Variants in KRIT1 observed in about 807,000 individuals in gnomAD.
KRIT1 encodes the protein krev interaction trapped protein 1.
In KRIT1, 45 loss-of-function variants were observed where a neutral mutation model predicts 95.8. That is an observed-to-expected ratio of 0.47 (90% CI 0.37 to 0.60). The LOEUF (loss-of-function observed/expected upper bound fraction) is 0.60, where lower values mean the gene tolerates loss of function less well. Ranked by LOEUF, KRIT1 falls within the 20% of genes least tolerant of loss-of-function variation. KRIT1 has a pLI of 0.00. For missense variants in KRIT1, 788 were observed against 877.5 expected (o/e 0.90, Z 1.29); for synonymous variants, 282 against 278.8 (o/e 1.01, Z -0.11).
intron 17 of KRIT1, among the ~76,000 whole-genome samples, chr7:92,212,272 T>C (rs956307611): frequency 3.3e-5 from 5 of 152,026 alleles, no homozygotes; most frequent in African/African-American, 1.2e-4. Flanking sequence ...TTGTGTCACA[T>C]ATAATATTTT....
At chr7:92,238,004 A>G (rs1268748590) in intron 5 of KRIT1, among the ~76,000 whole-genome samples, 1 of 152,146 alleles carries the variant, frequency 6.6e-6, no homozygotes, top group Non-Finnish European at 1.5e-5. Context: ...CATAGCTAGG[A>G]AAACTGTTCT....
chr7:92,240,753 G>A (rs144522667), intron 5 of KRIT1: 2 of 522,424 alleles, frequency 3.8e-6, no homozygotes, highest in East Asian at 6.8e-5. Context: ...ACTTACCTAG[G>A]GAACTACACT....
At chr7:92,240,772 A>T (rs995871767) in intron 5 of KRIT1, 3 of 564,634 alleles carry the variant, frequency 5.3e-6, no homozygotes, top group Non-Finnish European at 9.4e-6. Context: ...CTTCACATCA[A>T]CATTGTGAAT....
intron 14 of KRIT1, among the ~76,000 whole-genome samples, chr7:92,219,828 GT>G (rs1294644006): frequency 6.6e-6 from 1 of 152,152 alleles, no homozygotes; most frequent in Non-Finnish European, 1.5e-5. Flanking sequence ...ATAGTTTTCA[GT>G]GTACAAGTCT....
chr7:92,208,304 GA>G (rs776926939), intron 17 of KRIT1, among the ~76,000 whole-genome samples: 1 of 149,358 alleles, frequency 6.7e-6, no homozygotes, highest in East Asian at 2.0e-4. Context: ...AGAAAAGCAA[GA>G]AAAAACCAAC....
intron 10 of KRIT1, among the ~76,000 whole-genome samples, chr7:92,229,028 T>C (rs1796759369): frequency 1.3e-5 from 2 of 152,220 alleles, no homozygotes; most frequent in African/African-American, 2.4e-5. Flanking sequence ...CTATTGTGAA[T>C]AGTGCTGGAA....
In KRIT1 at chr7:92,222,848, G is replaced by C; in HGVS notation, c.1385C>G (p.Thr462Ser). 2 of 1,606,960 alleles carry C rather than the reference G, an allele frequency of 1.2e-6. No individual in the cohort carries two copies. Among genetic ancestry groups the C allele is most frequent in the Non-Finnish European group, 1.7e-6 (2 of 1,173,720 alleles). Residue 462 changes from threonine (T) to serine (S), a missense_variant, in exon 13 of 19, where the codon ACT (threonine) becomes AGT (serine). Thr to Ser is a moderately conservative substitution (Grantham distance 58). Coordinates refer to ENST00000394505, the MANE Select transcript of KRIT1 (RefSeq NM_194454.3). ...GAGGTTTTCTGAACAAATCCATATA[G>C]TGAAATATTGCTGAGTTTCTTGAGA... ...RLSQETQQYFTIWICSENLSL... is the reference protein window; with the variant it reads ...RLSQETQQYFSIWICSENLSL...
In KRIT1 at chr7:92,241,141, A is replaced by G; in HGVS notation, c.114T>C (p.His38=). The G allele has an allele frequency of 6.2e-7, 1 of 1,607,672 alleles. No homozygotes were observed. The highest frequency in any genetic ancestry group is 1.1e-5 in the South Asian group (1 of 90,840). The part of the protein sequence containing the change: ...YRAKSYEILL[H]EVPIEGQKKK... Reference sequence around the variant, plus strand: ...TTTTCTGTCCTTCAATGGGAACTTCATGCAACAAAATCTTAGATGAGAAAA... The same window carrying G: ...TTTTCTGTCCTTCAATGGGAACTTCGTGCAACAAAATCTTAGATGAGAAAA... The change falls in exon 5 of 19, where the codon CAT becomes CAC. Residue 38 remains histidine, a synonymous_variant. Transcript: ENST00000394505.
At chr7:92,236,247 T>C in intron 7 of KRIT1, 166 bp downstream of exon 7, 1 of 563,084 alleles carries the variant, frequency 1.8e-6, no homozygotes, top group Non-Finnish European at 3.1e-6. Context: ...GACAACCTTA[T>C]CTTCGGGTTT....
At chr7:92,242,654 A>C (rs1799937921) in intron 3 of KRIT1, among the ~76,000 whole-genome samples, 1 of 152,222 alleles carries the variant, frequency 6.6e-6, no homozygotes, top group African/African-American at 2.4e-5. Flanking sequence ...AGCAAGGATA[A>C]CTTTGATATC....
chr7:92,243,553 AG>A (rs1255254467), intron 3 of KRIT1, among the ~76,000 whole-genome samples: 2 of 125,684 alleles, frequency 1.6e-5, no homozygotes, highest in Non-Finnish European at 3.5e-5. Flanking sequence ...GTTATTTGAG[AG>A]GCGATAGAGT....
chr7:92,225,729 A>C lies in KRIT1; in HGVS notation c.1245T>G (p.Ile415Met), dbSNP rs41278788. 2,459 of 1,543,714 alleles carry C rather than the reference A, an allele frequency of 1.6e-3. 10 individuals are homozygous for C. The highest frequency in any genetic ancestry group is 1.2e-3 in the Non-Finnish European group (1,341 of 1,116,518). Reference protein sequence around the residue: ...EEAAKLLKEAINKPYEKVRIY... With the variant: ...EEAAKLLKEAMNKPYEKVRIY... ...TGAAGATAATTCTTACTGGTTTGTTAATTGCTTCCTTCAACAATTTTGCAG... is the reference window on the plus strand; with the variant it reads ...TGAAGATAATTCTTACTGGTTTGTTCATTGCTTCCTTCAACAATTTTGCAG... Residue 415 changes from isoleucine to methionine, a missense_variant, in exon 12 of 19, where the codon ATT (isoleucine) becomes ATG (methionine). By Grantham distance (10) the Ile-to-Met change is conservative. Around this residue, in one of 3 missense-constraint regions of KRIT1, gnomAD observed 493 missense variants for 582.3 expected, o/e 0.85. Coordinates refer to ENST00000394505, the MANE Select transcript of KRIT1 (RefSeq NM_194454.3).
At chr7:92,230,155 A>G (rs1796988018) in intron 10 of KRIT1, among the ~76,000 whole-genome samples, 1 of 152,174 alleles carries the variant, frequency 6.6e-6, no homozygotes, top group Non-Finnish European at 1.5e-5. Context: ...TATTTAATAT[A>G]ATCATAGAAA....
chr7:92,233,641 G>A (rs541370617), intron 10 of KRIT1, among the ~76,000 whole-genome samples: 5 of 152,064 alleles, frequency 3.3e-5, no homozygotes, highest in African/African-American at 1.2e-4. Context: ...TCCTGACCTC[G>A]TGATCCACCT....
chr7:92,221,507 T>C (rs1584869743), intron 14 of KRIT1, among the ~76,000 whole-genome samples: 1 of 152,210 alleles, frequency 6.6e-6, no homozygotes, highest in African/African-American at 2.4e-5. Context: ...AGTATAATCT[T>C]ATCCACCCAG....
At chr7:92,215,555 G>A (rs748981509) in intron 14 of KRIT1, among the ~76,000 whole-genome samples, 1 of 152,032 alleles carries the variant, frequency 6.6e-6, no homozygotes, top group Non-Finnish European at 1.5e-5. Flanking sequence ...CTGCAGCCTC[G>A]ACCTCGTGGG....
intron 8 of KRIT1, among the ~76,000 whole-genome samples, 167 bp downstream of exon 8, chr7:92,235,236 G>T (rs1268601748): frequency 6.6e-6 from 1 of 152,148 alleles, no homozygotes; most frequent in Admixed American, 6.5e-5. Context: ...CTGACCTCAG[G>T]CAATCTGCCC....
At chr7:92,240,191 T>C (rs2131737717) in intron 5 of KRIT1, among the ~76,000 whole-genome samples, 1 of 152,152 alleles carries the variant, frequency 6.6e-6, no homozygotes, top group South Asian at 2.1e-4. Flanking sequence ...AAAACAAATA[T>C]CCAAAATAAC....
chr7:92,238,909 A>G (rs1798986298), intron 5 of KRIT1, among the ~76,000 whole-genome samples: 1 of 152,200 alleles, frequency 6.6e-6, no homozygotes, highest in Admixed American at 6.5e-5. Flanking sequence ...TTTCATGTAT[A>G]AGTGTGATGG....
Sources: gnomAD v4.1 joint callset for allele counts (sites outside exome capture counted in the v4.1 genomes callset) on GRCh38, gnomAD v4.1.1 for gene constraint, gnomAD v4.1.1 regional missense constraint, MANE v1.5 for transcripts, NCBI Gene and HGNC (gene_info 2026-07-23, HGNC 2026-07-21) for gene names.